The following DLGAP1 variants were observed in gnomAD, a reference collection of about 807,000 sequenced individuals.
DLGAP1 encodes disks large-associated protein 1.
Under a neutral mutation model 90.8 loss-of-function variants are expected in DLGAP1, and 11 were observed. The observed-to-expected ratio is 0.12, with a 90% confidence interval of 0.08 to 0.20. The LOEUF (loss-of-function observed/expected upper bound fraction) is 0.20, where lower values mean the gene tolerates loss of function less well. Ranked by LOEUF, DLGAP1 falls within the 10% of genes least tolerant of loss-of-function variation. The probability of loss-of-function intolerance (pLI) is 1.00; values close to 1 mark genes in which losing one functional copy is unlikely to be tolerated. For missense variants in DLGAP1, 1,050 were observed against 1,333.8 expected (o/e 0.79, Z 3.31); for synonymous variants, 558 against 540.7 (o/e 1.03, Z -0.44).
At position 3,610,023 on chromosome 18, in the gene DLGAP1, T is replaced by C. The variant is rs77708603; in HGVS notation, c.1592-27775A>G. 3.5e-5 allele frequency among the ~76,000 whole-genome samples: 4 copies of C among 114,044 alleles called. No homozygotes were observed. The East Asian group carries it at 9.7e-4, about 28-fold the overall frequency. The allele number at this position is 114,044 out of a possible 152,430, so 74.8% of individuals were successfully genotyped here. ...CAGTGAGCCGAGATCACGCCATTGT[T>C]CTCCAGCCTGGGCAACAAGAGCAAA... On this transcript the variant is annotated intron_variant, in intron 7 of 12. Transcript: ENST00000315677.
chr18:3,766,146 T>C (rs962060455), intron 5 of DLGAP1, among the ~76,000 whole-genome samples: 2 of 152,142 alleles, frequency 1.3e-5, no homozygotes, highest in Admixed American at 6.5e-5. Context: ...AAAATTTATA[T>C]CATGCAAACA....
chr18:3,842,712 T>C (rs1230860277), intron 4 of DLGAP1, among the ~76,000 whole-genome samples: 1 of 151,834 alleles, frequency 6.6e-6, no homozygotes, highest in African/African-American at 2.4e-5. Flanking sequence ...AAAAAAAGCA[T>C]AGATAGTGGT....
chr18:4,279,883 C>T (rs1268946572), intron 1 of DLGAP1, among the ~76,000 whole-genome samples: 1 of 152,082 alleles, frequency 6.6e-6, no homozygotes, highest in Non-Finnish European at 1.5e-5. Flanking sequence ...ATCTTACTAT[C>T]CTAAACACTG....
At chr18:4,098,130 T>C (rs1361319716) in intron 2 of DLGAP1, among the ~76,000 whole-genome samples, 2 of 152,152 alleles carry the variant, frequency 1.3e-5, no homozygotes, top group African/African-American at 2.4e-5. Context: ...CCTAGGCTGG[T>C]CTCCACCTCT....
At chr18:3,781,885 A>C (rs2065209054) in intron 5 of DLGAP1, among the ~76,000 whole-genome samples, 3 of 152,216 alleles carry the variant, frequency 2.0e-5, no homozygotes. Context: ...TGATGGATTC[A>C]ACTACTTCTC....
At chr18:4,177,351 AACACACACACACACACACACACAC>A (rs34299932) in intron 1 of DLGAP1, among the ~76,000 whole-genome samples, 5 of 141,662 alleles carry the variant, frequency 3.5e-5, no homozygotes, top group Admixed American at 2.1e-4. Flanking sequence ...ACTTTCTTTG[AACACACACACACACACACACACAC>A]ACACACACAC....
At chr18:3,629,495 C>T (rs953349397) in intron 7 of DLGAP1, among the ~76,000 whole-genome samples, 1 of 151,998 alleles carries the variant, frequency 6.6e-6, no homozygotes, top group African/African-American at 2.4e-5. Flanking sequence ...CACGCTGAAA[C>T]CCTGTCTCTA....
chr18:3,879,459 A>G lies in DLGAP1; in HGVS notation c.610T>C (p.Ser204Pro). Residue 204 changes from serine to proline, a missense_variant, in exon 4 of 13, where the codon TCG becomes CCG. Transcript: ENST00000315677. This position sits in a 1 kb window ranked among gnomAD's most constrained non-coding sequence, Gnocchi z 6.6. The part of the protein sequence containing the change: ...RPSTSPGWWS[S>P]DDNLDGDMCI... ...ATGTCACCATCCAGGTTGTCGTCCG[A>G]GCTCCACCAGCCCGGGGAGGTGCTG... The G allele has an allele frequency of 1.2e-6, 2 of 1,606,582 alleles. No homozygotes were observed. Among genetic ancestry groups the G allele is most frequent in the African/African-American group, 2.7e-5 (2 of 75,052 alleles).
chr18:3,587,523 C>G (rs975670147), intron 7 of DLGAP1, among the ~76,000 whole-genome samples: 1 of 152,146 alleles, frequency 6.6e-6, no homozygotes, highest in South Asian at 2.1e-4. Context: ...CTCTGTAAAA[C>G]GGATCAATCA....
chr18:3,820,136 G>A (rs1003316393), intron 4 of DLGAP1, among the ~76,000 whole-genome samples: 8 of 152,168 alleles, frequency 5.3e-5, no homozygotes, highest in East Asian at 1.9e-4. Flanking sequence ...CTTTGAGAGC[G>A]GATTATCTCA....
chr18:3,884,424 A>C (rs1393083415), intron 3 of DLGAP1, among the ~76,000 whole-genome samples: 1 of 152,230 alleles, frequency 6.6e-6, no homozygotes, highest in African/African-American at 2.4e-5. Flanking sequence ...AAGCAGTTTG[A>C]ATCTTGGGTA....
chr18:3,902,237 A>T (rs760908671), intron 3 of DLGAP1, among the ~76,000 whole-genome samples: 5 of 152,330 alleles, frequency 3.3e-5, no homozygotes, highest in Non-Finnish European at 4.4e-5. Context: ...CCTGGAAATG[A>T]GTAACTTGCT....
chr18:3,595,766 A>G (rs1225422298), intron 7 of DLGAP1, among the ~76,000 whole-genome samples: 1 of 149,370 alleles, frequency 6.7e-6, no homozygotes, highest in Non-Finnish European at 1.5e-5. Flanking sequence ...CAACAGGTGC[A>G]ATCAAGTCAT....
chr18:4,088,430 TG>T (rs2075719366), intron 2 of DLGAP1, among the ~76,000 whole-genome samples: 1 of 42,564 alleles, frequency 2.3e-5, no homozygotes, highest in African/African-American at 4.8e-5. Context: ...AATTTTCCTT[TG>T]TGTGTGTGTG....
chr18:3,856,936 T>A (rs1263995010), intron 4 of DLGAP1, among the ~76,000 whole-genome samples: 2 of 152,028 alleles, frequency 1.3e-5, no homozygotes, highest in South Asian at 2.1e-4. Context: ...GTATATAGTA[T>A]GAAGAAAGTG....
chr18:3,993,328 C>T (rs2074005585), intron 3 of DLGAP1: 1 of 152,162 alleles, frequency 6.6e-6, no homozygotes, highest in Non-Finnish European at 1.5e-5. Context: ...AATTTTTATT[C>T]ACTGATTCCA....
At chr18:3,882,755 C>T (rs1432497159) in intron 3 of DLGAP1, among the ~76,000 whole-genome samples, 1 of 152,090 alleles carries the variant, frequency 6.6e-6, no homozygotes, top group Admixed American at 6.5e-5. Flanking sequence ...AGTATTTTCT[C>T]TGGACTCCAA....
intron 1 of DLGAP1, among the ~76,000 whole-genome samples, chr18:4,357,663 G>A (rs1053427611): frequency 6.6e-6 from 1 of 152,222 alleles, no homozygotes; most frequent in East Asian, 1.9e-4. Flanking sequence ...TGAAAAACCA[G>A]AGTAGCTCAT....
At chr18:4,296,776 C>T (rs1457697047) in intron 1 of DLGAP1, among the ~76,000 whole-genome samples, 1 of 152,200 alleles carries the variant, frequency 6.6e-6, no homozygotes, top group Non-Finnish European at 1.5e-5. Flanking sequence ...CTATTGCCAT[C>T]AGAACCCATA....
Sources: gnomAD v4.1 joint callset for allele counts (sites outside exome capture counted in the v4.1 genomes callset) on GRCh38, gnomAD v4.1.1 for gene constraint, Gnocchi (gnomAD v3.1) non-coding constraint, MANE v1.5 for transcripts, NCBI Gene and HGNC (gene_info 2026-07-23, HGNC 2026-07-21) for gene names.